LAMA3: variants seen among roughly 807,000 people sequenced by gnomAD.
LAMA3 encodes laminin subunit alpha-3.
Under a neutral mutation model 402.0 loss-of-function variants are expected in LAMA3, and 281 were observed. The observed-to-expected ratio is 0.70, with a 90% CI of 0.63 to 0.77. The LOEUF is 0.77. Ranked by LOEUF, LAMA3 falls within the 30% of genes least tolerant of loss-of-function variation. The pLI, the probability that LAMA3 is intolerant of heterozygous loss-of-function variation, is 0.00. For synonymous variants in LAMA3, 1,431 were observed against 1,558.4 expected (o/e 0.92, Z 1.93); for missense variants, 3,840 against 4,215.5 (o/e 0.91, Z 2.47).
In LAMA3 at chr18:23,942,858, T is replaced by C. The variant is rs1191536327; in HGVS notation, c.9027-930T>C. On this transcript the variant is annotated intron_variant, in intron 68 of 74. Coordinates refer to ENST00000313654, the MANE Select transcript of LAMA3 (RefSeq NM_198129.4). ...CTCCCAAAGTGCTAGGATTTTCCCATAGTGCTGAGATTACAGGCGTGAGCC... is the reference window on the plus strand; with the variant it reads ...CTCCCAAAGTGCTAGGATTTTCCCACAGTGCTGAGATTACAGGCGTGAGCC... Among the ~76,000 whole-genome samples the C allele has an allele frequency of 2.0e-5, 3 of 152,090 alleles. No individual in the cohort carries two copies. In the East Asian group the frequency reaches 5.8e-4, roughly 29 times the overall value.
intron 62 of LAMA3, among the ~76,000 whole-genome samples, chr18:23,925,504 T>C (rs2081977520): frequency 6.6e-6 from 1 of 152,220 alleles, no homozygotes; most frequent in Admixed American, 6.5e-5. Context: ...AGTAGATCTA[T>C]TGAACATCGA....
chr18:23,826,215 C>T (rs1053208429), intron 21 of LAMA3, among the ~76,000 whole-genome samples: 2 of 152,186 alleles, frequency 1.3e-5, no homozygotes, highest in African/African-American at 2.4e-5. Flanking sequence ...TTCTTCCTCT[C>T]GTTTCTTGGG....
intron 44 of LAMA3, among the ~76,000 whole-genome samples, chr18:23,897,215 C>T (rs749459670): frequency 1.3e-5 from 2 of 152,180 alleles, no homozygotes; most frequent in African/African-American, 2.4e-5. Context: ...CTAGTCTAGA[C>T]ACAGTGAACA....
intron 5 of LAMA3, 117 bp downstream of exon 5, chr18:23,751,205 G>A (rs2061746553): frequency 2.0e-6 from 2 of 979,400 alleles, no homozygotes; most frequent in Non-Finnish European, 3.2e-6. Context: ...GTAGGTGTGG[G>A]AGTTGTTCTT....
At chr18:23,698,807 A>T (rs1040363842) in intron 1 of LAMA3, among the ~76,000 whole-genome samples, 2 of 152,172 alleles carry the variant, frequency 1.3e-5, no homozygotes, top group Non-Finnish European at 2.9e-5. Flanking sequence ...AAGGGGCTGG[A>T]AGTACAGTTA....
chr18:23,924,744 T>C (rs2081954521), intron 62 of LAMA3, among the ~76,000 whole-genome samples: 1 of 152,008 alleles, frequency 6.6e-6, no homozygotes, highest in Non-Finnish European at 1.5e-5. Flanking sequence ...GGTTTTGCCA[T>C]GTTGGTCTGG....
chr18:23,771,142 A>G (rs1001456625), intron 8 of LAMA3, among the ~76,000 whole-genome samples: 2 of 152,244 alleles, frequency 1.3e-5, no homozygotes, highest in Non-Finnish European at 2.9e-5. Flanking sequence ...ACCCCCAACT[A>G]GAAATAGCCC....
At chr18:23,700,671 G>A (rs138249690) in intron 1 of LAMA3, among the ~76,000 whole-genome samples, 2 of 152,224 alleles carry the variant, frequency 1.3e-5, no homozygotes, top group African/African-American at 4.8e-5. Flanking sequence ...AACACAGTTA[G>A]TGTTTAATAA....
At chr18:23,909,475 C>A (rs1186613597) in intron 55 of LAMA3, among the ~76,000 whole-genome samples, 180 bp downstream of exon 55, 4 of 152,206 alleles carry the variant, frequency 2.6e-5, no homozygotes, top group African/African-American at 4.8e-5. Context: ...GTGTACATGA[C>A]CTTCATCCTT....
intron 29 of LAMA3, among the ~76,000 whole-genome samples, chr18:23,843,867 A>T (rs1441840603): frequency 1.3e-5 from 2 of 152,148 alleles, no homozygotes; most frequent in African/African-American, 4.8e-5. Context: ...CTCTCATGCC[A>T]CCAGGCTTTC....
At chr18:23,791,120 C>T (rs540213551) in intron 12 of LAMA3, among the ~76,000 whole-genome samples, 5 of 152,170 alleles carry the variant, frequency 3.3e-5, no homozygotes, top group Non-Finnish European at 7.3e-5. Context: ...TCGTGATCCG[C>T]CCGCCTCAGC....
chr18:23,885,813 C>G (rs1419796367), intron 41 of LAMA3, among the ~76,000 whole-genome samples: 2 of 152,100 alleles, frequency 1.3e-5, no homozygotes, highest in Non-Finnish European at 2.9e-5. Flanking sequence ...ACAACCTAGC[C>G]CTGTGCACTC....
chr18:23,872,855 C>T (rs549045702), intron 38 of LAMA3: 121 of 629,780 alleles, frequency 1.9e-4, no homozygotes, highest in Middle Eastern at 4.3e-4. Context: ...CAGAGCGGTG[C>T]GCTTACCTGC....
At chr18:23,891,796 C>T (rs1241916487) in intron 42 of LAMA3, among the ~76,000 whole-genome samples, 3 of 152,180 alleles carry the variant, frequency 2.0e-5, no homozygotes, top group Admixed American at 6.6e-5. Flanking sequence ...TAAGATAGCT[C>T]GTACTGTCTT....
At chr18:23,950,280 C>T (rs2082863026) in intron 72 of LAMA3, 121 bp downstream of exon 72, 2 of 1,073,444 alleles carry the variant, frequency 1.9e-6, no homozygotes, top group East Asian at 2.5e-5. Context: ...AGAGCCTTGA[C>T]TTCAGTGCTA....
chr18:23,834,779 G>A lies in LAMA3; in HGVS notation c.2984+791G>A, dbSNP rs553048035. 2.0e-5 allele frequency: 3 copies of A among 152,324 alleles called. No individual in the cohort carries two copies. In the East Asian group the frequency reaches 5.8e-4, roughly 29 times the overall value. 9.4% of individuals were successfully genotyped at this position (152,324 alleles called of 1,614,324 possible). A position where few individuals can be genotyped will look rare whatever the true frequency, so the allele number is the denominator to read the frequency against. ...CTTTTTGTCAAACCCAAGATGACCT[G>A]AAGCAATGGACATCTTCCCTGTTGT... is the stretch of plus-strand genomic sequence containing the variant. On this transcript the variant is annotated intron_variant, in intron 24 of 74. Coordinates refer to ENST00000313654, the MANE Select transcript of LAMA3 (RefSeq NM_198129.4).
At chr18:23,941,326 G>GCCCCCCCC (rs202068459) in intron 68 of LAMA3, among the ~76,000 whole-genome samples, 1 of 40,038 alleles carries the variant, frequency 2.5e-5, no homozygotes, top group Non-Finnish European at 5.6e-5. Flanking sequence ...TCAGCTTGGC[G>GCCCCCCCC]CCCCCCCCCC....
chr18:23,915,323 G>A lies in LAMA3; in HGVS notation c.7679G>A (p.Gly2560Asp). ...PSRLSFPPYKGCIELDDLNEN... is the reference protein window; with the variant it reads ...PSRLSFPPYKDCIELDDLNEN... ...CGACTAAGTTTCCCTCCATACAAAG[G>A]TTGTATTGAATTAGATGACCTCAAT... is the stretch of plus-strand genomic sequence containing the variant. The change falls in exon 59 of 75, where the codon GGT becomes GAT. Residue 2560 changes from glycine to aspartate, a missense_variant. Transcript: ENST00000313654. 2 of 1,612,966 alleles carry A rather than the reference G, an allele frequency of 1.2e-6. No homozygotes were observed. The highest frequency in any genetic ancestry group is 1.7e-6 in the Non-Finnish European group (2 of 1,179,070).
rs577413895 is a variant in LAMA3, at chr18:23,892,388, C to CT, written c.5411-1899dup. 2.8e-3 allele frequency among the ~76,000 whole-genome samples: 408 copies of CT among 146,286 alleles called. 1 individual carries two copies. Among genetic ancestry groups the CT allele is most frequent in the South Asian group, 8.6e-3 (40 of 4,628 alleles). ...AGTTTTGTTGTTGTTGTTTTTTATTCTTTTTTTTTTTCTTCAACTAATAAG... is the reference window on the plus strand; with the variant it reads ...AGTTTTGTTGTTGTTGTTTTTTATTCTTTTTTTTTTTTCTTCAACTAATAAG... On this transcript the variant is annotated intron_variant, in intron 42 of 74. Transcript: ENST00000313654.
Sources: gnomAD v4.1 joint callset for allele counts (sites outside exome capture counted in the v4.1 genomes callset) on GRCh38, gnomAD v4.1.1 for gene constraint, MANE v1.5 for transcripts, NCBI Gene and HGNC (gene_info 2026-07-23, HGNC 2026-07-21) for gene names.